The following TRPM4 variants were observed in gnomAD, a reference collection of about 807,000 sequenced individuals.
TRPM4 encodes calcium-activated non-selective cation channel 1.
Under a neutral mutation model 135.6 loss-of-function variants are expected in TRPM4, and 124 were observed. The ratio of observed to expected loss-of-function variants is 0.91; its 90% confidence interval spans 0.79 to 1.06. TRPM4 has a LOEUF of 1.06. Among genes scored for constraint, TRPM4 ranks in the 50% least tolerant of loss-of-function variants. The pLI, the probability that TRPM4 is intolerant of heterozygous loss-of-function variation, is 0.00. For missense variants in TRPM4, 1,658 were observed against 1,671.4 expected, an observed-to-expected ratio of 0.99 and a Z score of 0.14; for synonymous variants, 745 against 705.6, an observed-to-expected ratio of 1.06 and a Z score of -0.88.
At position 49,171,281 on chromosome 19, in the gene TRPM4, T is replaced by A; in HGVS notation, c.797-76T>A. 6.5e-7 allele frequency: 1 copy of A among 1,531,680 alleles called. No homozygotes were observed. The highest frequency in any genetic ancestry group is 9.1e-7 in the Non-Finnish European group (1 of 1,104,834). 94.9% of individuals were successfully genotyped at this position (1,531,680 alleles called of 1,614,324 possible). A position where few individuals can be genotyped will look rare whatever the true frequency, so the allele number is the denominator to read the frequency against. On this transcript the variant is annotated intron_variant, in intron 6 of 24. Transcript: ENST00000252826. The surrounding 1 kb of genome is among the most constrained non-coding windows in gnomAD (Gnocchi z 4.7). ...GACAAGGCTGATGTTTGCCGACTCC[T>A]GGGAAATGCGGTTTTCTCCTATCTC...
rs1199994400 is a variant in TRPM4, at chr19:49,182,421, CATCT to C, written c.1264-155_1264-152del. ...CCATCCATCCATCTGTCCATCCATC[CATCT>C]ACCTATCCATTCATCCATCCATCCA... is the stretch of plus-strand genomic sequence containing the variant. On this transcript the variant is annotated intron_variant, in intron 10 of 24. Transcript: ENST00000252826. 2.0e-5 allele frequency: 14 copies of C among 692,352 alleles called. 1 individual carries two copies. Among genetic ancestry groups the C allele is most frequent in the Middle Eastern group, 4.7e-4 (2 of 4,298 alleles). The allele number at this position is 692,352 out of a possible 1,614,324, so 42.9% of individuals were successfully genotyped here.
chr19:49,193,895 TCTC>T (rs921989620), intron 16 of TRPM4, among the ~76,000 whole-genome samples: 15 of 148,518 alleles, frequency 1.0e-4, no homozygotes, highest in African/African-American at 3.2e-4. Flanking sequence ...TCATCCTCCT[TCTC>T]CTCCTCCTCG....
At chr19:49,172,211 C>T (rs375916460) in intron 9 of TRPM4, 103 bp downstream of exon 9, 9 of 882,260 alleles carry the variant, frequency 1.0e-5, no homozygotes, top group African/African-American at 8.2e-5. Context: ...AGGCCCATGC[C>T]CCCTTTACCC....
At chr19:49,173,178 C>A (rs554629619) in intron 9 of TRPM4, among the ~76,000 whole-genome samples, 1 of 152,046 alleles carries the variant, frequency 6.6e-6, no homozygotes, top group African/African-American at 2.4e-5. Context: ...TTCTATCCAT[C>A]CATCTTCTCA....
In TRPM4 at chr19:49,211,412, T is replaced by C; in HGVS notation, c.3641-82T>C. On this transcript the variant is annotated intron_variant, in intron 24 of 24. Transcript: ENST00000252826. The surrounding 1 kb of genome is among the most constrained non-coding windows in gnomAD (Gnocchi z 4.8). ...TTTTGTACTCTCGCCTTCGTCTTTCTTCTTTTTTGCCAGTCTCCCAGTTTT... is the reference window on the plus strand; with the variant it reads ...TTTTGTACTCTCGCCTTCGTCTTTCCTCTTTTTTGCCAGTCTCCCAGTTTT... 6.2e-7 allele frequency: 1 copy of C among 1,607,598 alleles called. No homozygotes were observed. The highest frequency in any genetic ancestry group is 8.5e-7 in the Non-Finnish European group (1 of 1,175,992).
rs371106271 is a variant in TRPM4, at chr19:49,188,589, T to TC, written c.1744-47dup. On this transcript the variant is annotated intron_variant, in intron 12 of 24. Coordinates refer to ENST00000252826, the MANE Select transcript of TRPM4 (RefSeq NM_017636.4). ...TTCCTTCCCTTGACTTCAGGCTTCC[T>TC]CCCCCTCTATGAACCCTCTTTGACG... 748 of 1,613,212 alleles carry TC rather than the reference T, an allele frequency of 4.6e-4. 1 individual carries two copies. Among genetic ancestry groups the TC allele is most frequent in the Non-Finnish European group, 5.9e-4 (696 of 1,179,452 alleles).
Position 49,182,612 on chromosome 19 carries a change from T to C in TRPM4, c.1298T>C (p.Leu433Pro), listed in dbSNP as rs757709568. 6.2e-7 allele frequency: 1 copy of C among 1,614,090 alleles called. No individual in the cohort carries two copies. The highest frequency in any genetic ancestry group is 8.5e-7 in the Non-Finnish European group (1 of 1,180,034). Reference sequence around the variant, plus strand: ...CTCGAAGCTTCCCTCATGGACGCCCTGCTGAATGACCGGCCTGAGTTCGTG... The same window carrying C: ...CTCGAAGCTTCCCTCATGGACGCCCCGCTGAATGACCGGCCTGAGTTCGTG... ...FHLEASLMDA[L>P]LNDRPEFVRL... The change falls in exon 11 of 25, where the codon CTG (leucine) becomes CCG (proline). Residue 433 changes from leucine to proline, a missense_variant. Leu to Pro is a moderately conservative substitution (Grantham distance 98). Transcript: ENST00000252826.
In TRPM4 at chr19:49,196,790, A is replaced by G. The variant is rs172155862; in HGVS notation, c.2561A>G (p.Gln854Arg). Residue 854 changes from glutamine (Q) to arginine (R), a missense_variant, in exon 17 of 25, where the codon CAG (glutamine) becomes CGG (arginine). Physicochemically the swap from Gln to Arg is conservative, Grantham distance 43. Coordinates refer to ENST00000252826, the MANE Select transcript of TRPM4 (RefSeq NM_017636.4). ...GPGPGHASLSQRLRLYLADSW... is the reference protein window; with the variant it reads ...GPGPGHASLSRRLRLYLADSW... ...GGGCCTGGCCATGCCTCACTGAGCC[A>G]GCGCCTGCGCCTCTACCTCGCCGAC... is the stretch of plus-strand genomic sequence containing the variant. The G allele has an allele frequency of 1.0e-3, 1,610 of 1,577,780 alleles. 5 individuals carry two copies. The highest frequency in any genetic ancestry group is 1.2e-3 in the Middle Eastern group (7 of 5,874).
At chr19:49,178,761 T>A (rs1312428738) in intron 9 of TRPM4, among the ~76,000 whole-genome samples, 3 of 124,342 alleles carry the variant, frequency 2.4e-5, no homozygotes, top group South Asian at 5.6e-4. Flanking sequence ...ATTATTTTTA[T>A]TTTTTTATTT....
At chr19:49,162,399 T>G (rs1205924546) in intron 2 of TRPM4, among the ~76,000 whole-genome samples, 3 of 151,874 alleles carry the variant, frequency 2.0e-5, no homozygotes, top group Non-Finnish European at 2.9e-5. Flanking sequence ...ACTAGCCAGG[T>G]ACTGTGGCAC....
chr19:49,192,408 G>A (rs1020625562), intron 16 of TRPM4, among the ~76,000 whole-genome samples: 3 of 151,882 alleles, frequency 2.0e-5, no homozygotes, highest in Non-Finnish European at 4.4e-5. Context: ...CTCCCAAAAT[G>A]CTGGGATTAC....
In TRPM4 at chr19:49,188,972, A is replaced by G; in HGVS notation, c.1900A>G (p.Ser634Gly). 1 of 1,614,154 alleles carries G rather than the reference A, an allele frequency of 6.2e-7. No homozygotes were observed. The highest frequency in any genetic ancestry group is 8.5e-7 in the Non-Finnish European group (1 of 1,180,032). The change falls in exon 14 of 25, where the codon AGT becomes GGT. Residue 634 changes from serine to glycine, a missense_variant. Around this residue, in one of 3 missense-constraint regions of TRPM4, gnomAD observed 1,412 missense variants for 1,408.7 expected, o/e 1.00. Coordinates refer to ENST00000252826, the MANE Select transcript of TRPM4 (RefSeq NM_017636.4). Reference protein sequence around the residue: ...VDLFGECYRSSEVRAARLLLR... With the variant: ...VDLFGECYRSGEVRAARLLLR... ...CCTCTTTGGCGAGTGCTATCGCAGC[A>G]GTGAGGTGAGGGCTGCCCGCCTCCT...
At chr19:49,197,042 G>T (rs1968683203) in intron 17 of TRPM4, among the ~76,000 whole-genome samples, 168 bp downstream of exon 17, 1 of 152,220 alleles carries the variant, frequency 6.6e-6, no homozygotes, top group Non-Finnish European at 1.5e-5. Context: ...TTGCCCCAGG[G>T]TAATTGGCTG....
rs1392502100 is a variant in TRPM4 at position 49,182,755 on chromosome 19, T to G, written c.1441T>G (p.Ser481Ala). 6.2e-7 allele frequency: 1 copy of G among 1,613,938 alleles called. No individual in the cohort carries two copies. Among genetic ancestry groups the G allele is most frequent in the Admixed American group, 1.7e-5 (1 of 60,010 alleles). ...SLIRNLLDQA[S>A]HSAGTKAPAL... The stretch of plus-strand genomic sequence containing the variant: ...CATCCGCAACCTTTTGGACCAGGCG[T>G]CCCACAGCGCAGGCACCAAAGCCCC... The change falls in exon 11 of 25, where the codon TCC (serine) becomes GCC (alanine). Residue 481 changes from serine (S) to alanine (A), a missense_variant. Physicochemically the swap from Ser to Ala is moderately conservative, Grantham distance 99 (BLOSUM62 1). Transcript: ENST00000252826.
chr19:49,210,650 G>GGGCA lies in TRPM4; in HGVS notation c.3329-58_3329-55dup, dbSNP rs1253332773. ...GTGCGTGTTCTGAGGGTGTCGGAAG[G>GGGCA]GGCAGCTGGGATTGGGAAGGGGCGT... is the stretch of plus-strand genomic sequence containing the variant. On this transcript the variant is annotated intron_variant, in intron 21 of 24. Coordinates refer to ENST00000252826, the MANE Select transcript of TRPM4 (RefSeq NM_017636.4). This position sits in a 1 kb window ranked among gnomAD's most constrained non-coding sequence, Gnocchi z 4.1. The GGGCA allele has an allele frequency of 4.3e-6, 7 of 1,612,924 alleles. No homozygotes were observed. In the African/African-American group the frequency reaches 9.3e-5, roughly 22 times the overall value.
chr19:49,182,805 G>A lies in TRPM4; in HGVS notation c.1491G>A (p.Glu497=). ...CAGCCCTAAAAGGGGGAGCTGCGGA[G>A]CTCCGGCCCCCTGACGTGGGGCATG... is the stretch of plus-strand genomic sequence containing the variant. The part of the protein sequence containing the change: ...KAPALKGGAA[E]LRPPDVGHVL... Residue 497 remains glutamate (E), a synonymous_variant, in exon 11 of 25, where the codon GAG becomes GAA. Coordinates refer to ENST00000252826, the MANE Select transcript of TRPM4 (RefSeq NM_017636.4). The A allele has an allele frequency of 6.3e-7, 1 of 1,577,548 alleles. No homozygotes were observed. Among genetic ancestry groups the A allele is most frequent in the East Asian group, 2.2e-5 (1 of 44,866 alleles).
At position 49,165,998 on chromosome 19, in the gene TRPM4, C is replaced by CG. The variant is rs750098689; in HGVS notation, c.93-37dup. 81 of 1,550,502 alleles carry CG rather than the reference C, an allele frequency of 5.2e-5. 1 individual carries two copies. The highest frequency in any genetic ancestry group is 2.1e-4 in the South Asian group (18 of 84,406). Reference sequence around the variant, plus strand: ...GAACACGCTGACAGGGTGCTGGGGTCGGGGGGCAGCCCTGGGTTCACGCTC... The same window carrying CG: ...GAACACGCTGACAGGGTGCTGGGGTCGGGGGGGCAGCCCTGGGTTCACGCTC... On this transcript the variant is annotated intron_variant, in intron 2 of 24. Transcript: ENST00000252826.
At chr19:49,201,755 G>A (rs1049445853) in intron 19 of TRPM4, among the ~76,000 whole-genome samples, 14 of 152,156 alleles carry the variant, frequency 9.2e-5, no homozygotes, top group Middle Eastern at 3.4e-3. Flanking sequence ...GTGCCACCAC[G>A]CCTGGCTAAC....
chr19:49,211,332 C>T lies in TRPM4; in HGVS notation c.3640+63C>T. 2 of 1,579,544 alleles carry T rather than the reference C, an allele frequency of 1.3e-6. No individual in the cohort carries two copies. The highest frequency in any genetic ancestry group is 1.3e-5 in the African/African-American group (1 of 74,490). ...TGTTCCTGTATTTTTGCGTGTTTTT[C>T]TCTCTCGGCACCTTTCCAGTGTCCC... On this transcript the variant is annotated intron_variant, in intron 24 of 24. Transcript: ENST00000252826. The surrounding 1 kb of genome is among the most constrained non-coding windows in gnomAD (Gnocchi z 4.8).
Sources: gnomAD v4.1 joint callset for allele counts (sites outside exome capture counted in the v4.1 genomes callset) on GRCh38, gnomAD v4.1.1 for gene constraint, gnomAD v4.1.1 regional missense constraint, Gnocchi (gnomAD v3.1) non-coding constraint, MANE v1.5 for transcripts, NCBI Gene and HGNC (gene_info 2026-07-23, HGNC 2026-07-21) for gene names.